ADD2: variants seen among roughly 807,000 people sequenced by gnomAD.
ADD2 encodes the protein adducin 2.
In ADD2, 23 loss-of-function variants were observed where a neutral mutation model predicts 83.0. The observed-to-expected ratio is 0.28, with a 90% CI of 0.20 to 0.39. The LOEUF (loss-of-function observed/expected upper bound fraction) is 0.39, where lower values mean the gene tolerates loss of function less well. ADD2 is among the 10% of genes least tolerant of loss of function. The probability of loss-of-function intolerance (pLI) is 1.00; values close to 1 mark genes in which losing one functional copy is unlikely to be tolerated. For synonymous variants in ADD2, 375 were observed against 375.4 expected (o/e 1.00, Z 0.01); for missense variants, 758 against 944.9 (o/e 0.80, Z 2.59).
chr2:70,717,964 G>A (rs1672557977), intron 1 of ADD2, among the ~76,000 whole-genome samples: 1 of 152,294 alleles, frequency 6.6e-6, no homozygotes, highest in African/African-American at 2.4e-5. Flanking sequence ...GAGAGAAAGA[G>A]GCAGGACAGC....
In ADD2 at chr2:70,658,295, C is replaced by T. The variant is rs1291853115; in HGVS notation, c.*5130G>A. ...GGGATGTTGGGCATTCCTTGGTGACCGAGCTCTACGTGTGGTCTCTCATTT... is the reference window on the plus strand; with the variant it reads ...GGGATGTTGGGCATTCCTTGGTGACTGAGCTCTACGTGTGGTCTCTCATTT... On this transcript the variant is annotated 3_prime_UTR_variant, in exon 16 of 16. Coordinates refer to ENST00000264436, the MANE Select transcript of ADD2 (RefSeq NM_001617.4). 3 of 152,126 alleles carry T rather than the reference C, an allele frequency of 2.0e-5. No individual in the cohort carries two copies. Among genetic ancestry groups the T allele is most frequent in the East Asian group, 3.9e-4 (2 of 5,194 alleles). 9.4% of individuals were successfully genotyped at this position (152,126 alleles called of 1,614,324 possible). A position where few individuals can be genotyped will look rare whatever the true frequency, so the allele number is the denominator to read the frequency against.
At chr2:70,684,808 GGCAAT>G (rs1670634964) in intron 9 of ADD2, among the ~76,000 whole-genome samples, 1 of 152,178 alleles carries the variant, frequency 6.6e-6, no homozygotes, top group African/African-American at 2.4e-5. Flanking sequence ...CCATGGGGAG[GGCAAT>G]GCAGGTGGTT....
At chr2:70,701,666 G>A (rs1553373529) in intron 4 of ADD2, among the ~76,000 whole-genome samples, 1 of 151,904 alleles carries the variant, frequency 6.6e-6, no homozygotes, top group African/African-American at 2.4e-5. Flanking sequence ...TCAATAAGGG[G>A]CTAGTGTATA....
In ADD2 at chr2:70,708,744, G is replaced by A. The variant is rs782689338; in HGVS notation, c.-34-2302C>T. ...AAGTGTGGCCTAAGGGCTTTTCCAC[G>A]TATAATAAACTGTAACCCAACTTGA... On this transcript the variant is annotated intron_variant, in intron 2 of 15. Transcript: ENST00000264436. Among the ~76,000 whole-genome samples the A allele has an allele frequency of 5.3e-5, 8 of 152,144 alleles. 1 individual carries two copies. Among genetic ancestry groups the A allele is most frequent in the African/African-American group, 9.7e-5 (4 of 41,426 alleles).
rs782477712 is a variant in ADD2 at position 70,672,991 on chromosome 2, G to A, written c.1757C>T (p.Ala586Val). The change falls in exon 15 of 16, where the codon GCC becomes GTC. Residue 586 changes from alanine (A) to valine (V), a missense_variant. Physicochemically the swap from Ala to Val is moderately conservative, Grantham distance 64. Around this residue, in one of 5 missense-constraint regions of ADD2, gnomAD observed 165 missense variants for 176.2 expected, o/e 0.94. Transcript: ENST00000264436. ...TGCAGGTGAGCCAGGCTCTTCTGGG[G>A]CAGTTTCTTTCTCTCCTGAAAAAAC... ...KLELDGEKET[A>V]PEEPGSPAKS... The A allele has an allele frequency of 1.7e-5, 28 of 1,613,300 alleles. No individual in the cohort carries two copies. The highest frequency in any genetic ancestry group is 2.3e-5 in the Non-Finnish European group (27 of 1,179,874).
At chr2:70,709,407 C>G (rs936045363) in intron 2 of ADD2, among the ~76,000 whole-genome samples, 4 of 151,902 alleles carry the variant, frequency 2.6e-5, no homozygotes, top group Non-Finnish European at 4.4e-5. Context: ...TCATACTTGG[C>G]AACATTTAAA....
At chr2:70,711,129 T>G (rs1672156921) in intron 2 of ADD2, 1 of 152,032 alleles carries the variant, frequency 6.6e-6, no homozygotes, top group Non-Finnish European at 1.5e-5. Context: ...AAAAAGAAGC[T>G]CACCAGGATG....
intron 1 of ADD2, among the ~76,000 whole-genome samples, chr2:70,745,241 A>C (rs1430409222): frequency 6.6e-6 from 1 of 152,092 alleles, no homozygotes; most frequent in African/African-American, 2.4e-5. Context: ...GGCCGAGATC[A>C]TGCCACTGCA....
chr2:70,667,505 C>T (rs1669686272), intron 15 of ADD2, among the ~76,000 whole-genome samples: 2 of 152,158 alleles, frequency 1.3e-5, no homozygotes, highest in Non-Finnish European at 2.9e-5. Context: ...TGTGTCTTGG[C>T]CACCAATGAA....
intron 1 of ADD2, among the ~76,000 whole-genome samples, chr2:70,720,939 A>T (rs1553377226): frequency 1.3e-5 from 2 of 152,114 alleles, no homozygotes; most frequent in African/African-American, 2.4e-5. Flanking sequence ...TTCAGTGGAA[A>T]CTCCCAGGCT....
chr2:70,669,634 G>A (rs560146386), intron 15 of ADD2, among the ~76,000 whole-genome samples: 60 of 152,258 alleles, frequency 3.9e-4, no homozygotes, highest in South Asian at 6.2e-4. Context: ...CTATCCCTCC[G>A]GGTATCCACA....
At chr2:70,685,559 C>A (rs976574273) in intron 9 of ADD2, among the ~76,000 whole-genome samples, 1 of 152,306 alleles carries the variant, frequency 6.6e-6, no homozygotes, top group Middle Eastern at 3.4e-3. Context: ...TGCCACTTAC[C>A]AACTGTGTGA....
intron 8 of ADD2, among the ~76,000 whole-genome samples, chr2:70,690,533 A>C (rs1458110827): frequency 6.6e-6 from 1 of 152,218 alleles, no homozygotes; most frequent in Non-Finnish European, 1.5e-5. Context: ...TAGAGAAAAT[A>C]TTTAATAACA....
At chr2:70,686,376 G>A (rs1388411148) in intron 9 of ADD2, among the ~76,000 whole-genome samples, 3 of 152,268 alleles carry the variant, frequency 2.0e-5, no homozygotes, top group Non-Finnish European at 2.9e-5. Flanking sequence ...AACCAATCCT[G>A]AAACGAAAGT....
intron 3 of ADD2, among the ~76,000 whole-genome samples, chr2:70,704,856 C>T (rs1367876144): frequency 5.9e-5 from 9 of 152,158 alleles, no homozygotes; most frequent in African/African-American, 1.7e-4. Flanking sequence ...GTGATTCTTT[C>T]GGGCTTCAGT....
chr2:70,741,929 T>TTAACCAATTTTGACATTTCTCTAATCAA lies in ADD2; in HGVS notation c.-154+25929_-154+25956dup, dbSNP rs570411253. 5.9e-3 allele frequency among the ~76,000 whole-genome samples: 891 copies of TTAACCAATTTTGACATTTCTCTAATCAA among 152,300 alleles called. 10 individuals carry two copies. Among genetic ancestry groups the TTAACCAATTTTGACATTTCTCTAATCAA allele is most frequent in the Non-Finnish European group, 9.8e-3 (669 of 68,012 alleles). The stretch of plus-strand genomic sequence containing the variant: ...AGCTGTGGGCTCCCAGGCAAATCCA[T>TTAACCAATTTTGACATTTCTCTAATCAA]TAACCAATTTTGACATTTCTCTAAT... On this transcript the variant is annotated intron_variant, in intron 1 of 15. Transcript: ENST00000264436.
intron 1 of ADD2, among the ~76,000 whole-genome samples, chr2:70,748,615 A>G (rs558542474): frequency 1.4e-3 from 207 of 152,302 alleles, no homozygotes; most frequent in South Asian, 1.9e-3. Flanking sequence ...AGAAGTGATC[A>G]CTGAAAACCC....
chr2:70,753,886 G>A (rs1007974805), intron 1 of ADD2, among the ~76,000 whole-genome samples: 2 of 152,138 alleles, frequency 1.3e-5, no homozygotes, highest in African/African-American at 2.4e-5. Context: ...TAAATCACAA[G>A]AAAGTGCATC....
chr2:70,766,455 T>G (rs1019380086), intron 1 of ADD2, among the ~76,000 whole-genome samples: 1 of 152,222 alleles, frequency 6.6e-6, no homozygotes, highest in African/African-American at 2.4e-5. Flanking sequence ...CTAACATATA[T>G]TATTCATATG....
Sources: gnomAD v4.1 joint callset for allele counts (sites outside exome capture counted in the v4.1 genomes callset) on GRCh38, gnomAD v4.1.1 for gene constraint, gnomAD v4.1.1 regional missense constraint, MANE v1.5 for transcripts, NCBI Gene and HGNC (gene_info 2026-07-23, HGNC 2026-07-21) for gene names.